DNAH17: variants seen among roughly 807,000 people sequenced by gnomAD.
DNAH17 encodes dynein axonemal heavy chain 17.
Under a neutral mutation model 485.6 loss-of-function variants are expected in DNAH17, and 376 were observed. The observed-to-expected ratio is 0.77, with a 90% confidence interval of 0.71 to 0.84. DNAH17 has a LOEUF of 0.84. DNAH17 is among the 40% of genes least tolerant of loss of function. DNAH17 has a pLI of 0.00. For synonymous variants in DNAH17, 3,031 were observed against 2,405.9 expected (o/e 1.26, Z -7.60); for missense variants, 6,370 against 5,839.3 (o/e 1.09, Z -2.96).
chr17:78,488,538 C>G (rs1034048450), intron 44 of DNAH17, among the ~76,000 whole-genome samples: 2 of 152,202 alleles, frequency 1.3e-5, no homozygotes, highest in Non-Finnish European at 1.5e-5. Flanking sequence ...TTTTTCCTGT[C>G]CCCGTGTCTC....
intron 11 of DNAH17, 109 bp from the exon 12 acceptor site, chr17:78,562,089 T>C (rs922295637): frequency 5.3e-6 from 7 of 1,326,710 alleles, no homozygotes; most frequent in Non-Finnish European, 7.0e-6. Context: ...AGAGAATGTG[T>C]ACCTTGCCAA....
intron 58 of DNAH17, 36 bp from the exon 59 acceptor site, chr17:78,460,293 C>G (rs370896419): frequency 2.4e-4 from 359 of 1,493,478 alleles, no homozygotes; most frequent in Non-Finnish European, 3.1e-4. Flanking sequence ...TTACTGCAGG[C>G]CTGTCCATGT....
chr17:78,438,862 G>A (rs1478538573), intron 73 of DNAH17, among the ~76,000 whole-genome samples: 2 of 152,074 alleles, frequency 1.3e-5, no homozygotes, highest in Non-Finnish European at 2.9e-5. Context: ...CCCTCTCACC[G>A]TTGAAGAATC....
At chr17:78,439,348 A>G in intron 72 of DNAH17, 131 bp from the exon 73 acceptor site, 1 of 1,116,168 alleles carries the variant, frequency 9.0e-7, no homozygotes, top group Non-Finnish European at 1.2e-6. Flanking sequence ...CATGACATAA[A>G]ACTTGCTGTT....
At chr17:78,567,606 G>A (rs2092288445) in intron 9 of DNAH17, among the ~76,000 whole-genome samples, 1 of 152,184 alleles carries the variant, frequency 6.6e-6, no homozygotes, top group Non-Finnish European at 1.5e-5. Context: ...TATGCAGAGT[G>A]CCGTGTCCCG....
At chr17:78,440,555 G>A (rs1004954304) in intron 72 of DNAH17, among the ~76,000 whole-genome samples, 12 of 152,016 alleles carry the variant, frequency 7.9e-5, no homozygotes, top group African/African-American at 1.2e-4. Context: ...TACCGCCCCC[G>A]GCCTGCTTCA....
chr17:78,493,191 G>A (rs958585455), intron 41 of DNAH17: 3 of 169,354 alleles, frequency 1.8e-5, no homozygotes, highest in Non-Finnish European at 2.5e-5. Flanking sequence ...ACCCTTCTCT[G>A]GATCACGTTT....
chr17:78,547,040 G>A (rs533013228), intron 16 of DNAH17, among the ~76,000 whole-genome samples: 53 of 152,206 alleles, frequency 3.5e-4, no homozygotes, highest in Non-Finnish European at 4.1e-4. Context: ...CCATGGATAT[G>A]GTTTCTACCA....
chr17:78,513,731 C>T (rs1023400324), intron 26 of DNAH17, among the ~76,000 whole-genome samples: 6 of 152,166 alleles, frequency 3.9e-5, no homozygotes, highest in African/African-American at 1.2e-4. Flanking sequence ...CCACCGCACC[C>T]GGCTTTCCTC....
intron 41 of DNAH17, among the ~76,000 whole-genome samples, chr17:78,493,825 CCAGGGAT>C (rs1009384577): frequency 6.6e-5 from 10 of 152,212 alleles, no homozygotes; most frequent in Admixed American, 6.5e-4. Flanking sequence ...GAGGCCTCAC[CCAGGGAT>C]CAGGGATCAG....
At chr17:78,544,025 A>G in intron 16 of DNAH17, 28 bp from the exon 17 acceptor site, 1 of 1,613,572 alleles carries the variant, frequency 6.2e-7, no homozygotes. Flanking sequence ...GAGTGAGAAA[A>G]GGTGTTCTGG....
At chr17:78,442,535 C>T (rs1382005490) in intron 71 of DNAH17, among the ~76,000 whole-genome samples, 3 of 152,218 alleles carry the variant, frequency 2.0e-5, no homozygotes, top group Non-Finnish European at 4.4e-5. Flanking sequence ...AAGTCCTGCC[C>T]CTAGGCAGGA....
chr17:78,424,132 G>C lies in DNAH17; in HGVS notation c.13163C>G (p.Thr4388Ser), dbSNP rs1289270601. Residue 4388 changes from threonine to serine, a missense_variant, in exon 81 of 81, where the codon ACT (threonine) becomes AGT (serine). Thr to Ser is a moderately conservative substitution (Grantham distance 58). Transcript: ENST00000389840. ...FMEGARWDTQ[T>S]GVIAEARLKE... ...CAGCCGCGCTTCAGCGATGACTCCA[G>C]TCTGGGTGTCCCAGCGAGCCCCTGC... is the stretch of plus-strand genomic sequence containing the variant. 6.2e-7 allele frequency: 1 copy of C among 1,612,452 alleles called. No individual in the cohort carries two copies. Among genetic ancestry groups the C allele is most frequent in the African/African-American group, 1.3e-5 (1 of 74,934 alleles).
intron 75 of DNAH17, among the ~76,000 whole-genome samples, chr17:78,429,513 C>T (rs539370528): frequency 2.6e-5 from 4 of 152,322 alleles, no homozygotes; most frequent in South Asian, 2.1e-4. Context: ...CGCCAATGTC[C>T]GGCCCCTTTG....
In DNAH17 at chr17:78,552,512, C is replaced by CTT. The variant is rs35637364; in HGVS notation, c.2287+183_2287+184dup. Among the ~76,000 whole-genome samples the CTT allele has an allele frequency of 9.9e-3, 1,316 of 132,366 alleles. 23 individuals are homozygous for CTT. The highest frequency in any genetic ancestry group is 0.028 in the South Asian group (117 of 4,160). 86.8% of individuals were successfully genotyped at this position (132,366 alleles called of 152,430 possible). A position where few individuals can be genotyped will look rare whatever the true frequency, so the allele number is the denominator to read the frequency against. ...TCCGTTTCTAAGTGACACAGATGGG[C>CTT]TTTTTTTTTTTTTTTTTGCCTGGGC... On this transcript the variant is annotated intron_variant, in intron 15 of 80. Transcript: ENST00000389840.
Position 78,571,735 on chromosome 17 carries a change from G to A in DNAH17, c.587C>T (p.Thr196Ile). ...DNLLLHAIET[T>I]IIDWSHQIRD... is the part of the protein sequence containing the mutation. ...GATCTGGTGGGACCAGTCGATGATG[G>A]TGGTTTCAATGGCGTGCAGGAGCAA... Residue 196 changes from threonine (T) to isoleucine (I), a missense_variant, in exon 4 of 81, where the codon ACC becomes ATC. Coordinates refer to ENST00000389840, the MANE Select transcript of DNAH17 (RefSeq NM_173628.4). 6.2e-7 allele frequency: 1 copy of A among 1,611,808 alleles called. No homozygotes were observed. The highest frequency in any genetic ancestry group is 8.5e-7 in the Non-Finnish European group (1 of 1,178,696).
Position 78,530,518 on chromosome 17 carries a change from A to T in DNAH17, c.3115-6T>A. ...AGCTTCTCGTAGGAGTCGATCTGGA[A>T]AACACGGCCACCGGCGGCCTGTCAT... On this transcript the variant is annotated splice_region_variant and splice_polypyrimidine_tract_variant and intron_variant, in intron 20 of 80. Coordinates refer to ENST00000389840, the MANE Select transcript of DNAH17 (RefSeq NM_173628.4). 1.3e-6 allele frequency: 2 copies of T among 1,599,740 alleles called. No individual in the cohort carries two copies. The highest frequency in any genetic ancestry group is 1.7e-6 in the Non-Finnish European group (2 of 1,169,714).
chr17:78,544,063 G>A (rs2091682302), intron 16 of DNAH17, 66 bp from the exon 17 acceptor site: 2 of 1,605,162 alleles, frequency 1.2e-6, no homozygotes, highest in African/African-American at 1.3e-5. Context: ...GCAGTCCTTT[G>A]CTGTGTGCTT....
rs554487878 is a variant in DNAH17 at position 78,560,684 on chromosome 17, G to A, written c.2031+56C>T. On this transcript the variant is annotated intron_variant, in intron 13 of 80. Transcript: ENST00000389840. The stretch of plus-strand genomic sequence containing the variant: ...AATCCGTGCTGAGGGAACCTTGGCA[G>A]GCCCTCCCCCCGCTCCCAAGGAGCC... The A allele has an allele frequency of 9.2e-5, 137 of 1,484,024 alleles. No individual in the cohort carries two copies. In the African/African-American group the frequency reaches 1.5e-3, roughly 16 times the overall value. The allele number at this position is 1,484,024 out of a possible 1,614,324, so 91.9% of individuals were successfully genotyped here. A position where few individuals can be genotyped will look rare whatever the true frequency, so the allele number is the denominator to read the frequency against.
Sources: gnomAD v4.1 joint callset for allele counts (sites outside exome capture counted in the v4.1 genomes callset) on GRCh38, gnomAD v4.1.1 for gene constraint, MANE v1.5 for transcripts, NCBI Gene and HGNC (gene_info 2026-07-23, HGNC 2026-07-21) for gene names.